GPHN: variants seen among roughly 807,000 people sequenced by gnomAD.
GPHN encodes gephyrin.
A neutral mutation model predicts 95.5 loss-of-function variants in GPHN; 17 were observed. The ratio of observed to expected loss-of-function variants is 0.18; its 90% CI spans 0.12 to 0.27. GPHN has a LOEUF of 0.27. Among genes scored for constraint, GPHN ranks in the 10% least tolerant of loss-of-function variants. The probability of loss-of-function intolerance (pLI) is 1.00; values close to 1 mark genes in which losing one functional copy is unlikely to be tolerated. For missense variants in GPHN, 660 were observed against 978.1 expected (o/e 0.67, Z 4.34); for synonymous variants, 320 against 322.5 (o/e 0.99, Z 0.08).
the GPHN span, among the ~76,000 whole-genome samples, chr14:67,524,780 TG>T: frequency 3.3e-5 from 5 of 152,202 alleles, no homozygotes; most frequent in African/African-American, 1.2e-4. Flanking sequence ...GTAATTGCTT[TG>T]AAGAGATAAT....
intron 3 of GPHN, among the ~76,000 whole-genome samples, chr14:66,792,994 T>G (rs1404778426): frequency 6.6e-6 from 1 of 152,284 alleles, no homozygotes; most frequent in Non-Finnish European, 1.5e-5. Context: ...CTCATGCTAT[T>G]GTTTGTGGTT....
intron 4 of GPHN, among the ~76,000 whole-genome samples, chr14:66,865,760 A>G (rs977918857): frequency 3.3e-5 from 5 of 152,206 alleles, no homozygotes; most frequent in Admixed American, 1.3e-4. Context: ...GGTTATTCAT[A>G]ATCATCTCAA....
chr14:67,355,060 C>T, the GPHN span, among the ~76,000 whole-genome samples: 753 of 152,256 alleles, frequency 4.9e-3, 8 homozygotes, highest in African/African-American at 0.017. Flanking sequence ...GATCCGCCCA[C>T]CTCGGCCTCA....
chr14:67,593,473 A>G, the GPHN span: 1 of 370,074 alleles, frequency 2.7e-6, no homozygotes, highest in East Asian at 6.1e-5. Context: ...CCTGGGCAAC[A>G]GAGTGAGACC....
the GPHN span, among the ~76,000 whole-genome samples, chr14:67,317,962 C>T: frequency 6.6e-6 from 1 of 152,146 alleles, no homozygotes; most frequent in African/African-American, 2.4e-5. Context: ...GCTAGTATTC[C>T]TAGGTGACAA....
At chr14:67,586,220 T>C in the GPHN span, 1 of 1,222,554 alleles carries the variant, frequency 8.2e-7, no homozygotes, top group Non-Finnish European at 1.2e-6. Flanking sequence ...ATTGTTGGTC[T>C]TGTCTGTAAT....
intron 1 of GPHN, among the ~76,000 whole-genome samples, chr14:66,553,194 T>G (rs929316764): frequency 1.3e-5 from 2 of 152,124 alleles, no homozygotes; most frequent in African/African-American, 2.4e-5. Context: ...TTTTACCACA[T>G]TGGCCAGGCT....
At chr14:67,362,479 A>G in the GPHN span, among the ~76,000 whole-genome samples, 1 of 152,208 alleles carries the variant, frequency 6.6e-6, no homozygotes, top group East Asian at 1.9e-4. Context: ...GTTTTTACGT[A>G]TACATGTGAT....
chr14:67,393,743 C>T, the GPHN span, among the ~76,000 whole-genome samples: 178 of 152,188 alleles, frequency 1.2e-3, 1 homozygote, highest in South Asian at 0.011. Context: ...TGTGAGCCAC[C>T]GTGCCTGGCC....
intron 13 of GPHN, among the ~76,000 whole-genome samples, chr14:67,105,378 C>T (rs1349898178): frequency 6.6e-6 from 1 of 151,964 alleles, no homozygotes; most frequent in Non-Finnish European, 1.5e-5. Flanking sequence ...TTAAATCCAG[C>T]GTTCCTATGT....
At chr14:67,375,949 T>G in the GPHN span, among the ~76,000 whole-genome samples, 2 of 152,196 alleles carry the variant, frequency 1.3e-5, no homozygotes, top group East Asian at 3.8e-4. Context: ...CTCACTCAAT[T>G]TTTATGTGTA....
At chr14:66,524,725 C>T (rs574977186) in intron 1 of GPHN, among the ~76,000 whole-genome samples, 2 of 152,232 alleles carry the variant, frequency 1.3e-5, no homozygotes, top group South Asian at 4.2e-4. Context: ...TCAACTCCCA[C>T]TTATGAGTGA....
At chr14:67,264,055 TG>T in the GPHN span, among the ~76,000 whole-genome samples, 1 of 152,164 alleles carries the variant, frequency 6.6e-6, no homozygotes, top group African/African-American at 2.4e-5. Context: ...GTGCATGCCA[TG>T]GCACTCGGCA....
the GPHN span, among the ~76,000 whole-genome samples, chr14:67,511,046 C>T: frequency 1.3e-5 from 2 of 152,280 alleles, no homozygotes; most frequent in East Asian, 3.9e-4. Flanking sequence ...CTCCTCAGGG[C>T]TGATGTCAAG....
chr14:66,735,768 C>T (rs1319075998), intron 2 of GPHN, among the ~76,000 whole-genome samples: 2 of 152,014 alleles, frequency 1.3e-5, no homozygotes, highest in Non-Finnish European at 2.9e-5. Context: ...GAGATCTGGT[C>T]TTCAACAGAC....
intron 6 of GPHN, among the ~76,000 whole-genome samples, chr14:66,919,737 G>A (rs1047504648): frequency 6.6e-6 from 1 of 152,032 alleles, no homozygotes; most frequent in Non-Finnish European, 1.5e-5. Context: ...TGCATGGAAG[G>A]CCCCCAGTTG....
At chr14:67,688,541 G>A in the GPHN span, among the ~76,000 whole-genome samples, 6 of 151,678 alleles carry the variant, frequency 4.0e-5, no homozygotes, top group African/African-American at 1.5e-4. Context: ...GGGAAGAGGG[G>A]AATAAATGAA....
intron 9 of GPHN, among the ~76,000 whole-genome samples, chr14:66,970,051 A>C (rs1188479201): frequency 1.3e-5 from 2 of 151,440 alleles, no homozygotes; most frequent in African/African-American, 2.4e-5. Context: ...AAAGTTAGCA[A>C]AGAATTTTGT....
chr14:66,560,670 G>A (rs985446595), intron 1 of GPHN, among the ~76,000 whole-genome samples: 2 of 152,138 alleles, frequency 1.3e-5, no homozygotes, highest in South Asian at 2.1e-4. Context: ...CTAGATATGC[G>A]ATCATGTCAT....
Sources: gnomAD v4.1 joint callset for allele counts (sites outside exome capture counted in the v4.1 genomes callset) on GRCh38, gnomAD v4.1.1 for gene constraint, MANE v1.5 for transcripts, NCBI Gene and HGNC (gene_info 2026-07-23, HGNC 2026-07-21) for gene names.